Variants in ZBTB20 observed in about 807,000 individuals in gnomAD.
ZBTB20 encodes the protein zinc finger and BTB domain containing 20.
Under a neutral mutation model 56.9 loss-of-function variants are expected in ZBTB20, and 9 were observed. The observed-to-expected ratio is 0.16, with a 90% CI of 0.10 to 0.28. The LOEUF (loss-of-function observed/expected upper bound fraction) is 0.28. ZBTB20 is among the 10% of genes least tolerant of loss of function. The pLI, the probability that ZBTB20 is intolerant of heterozygous loss-of-function variation, is 1.00. For missense variants in ZBTB20, 655 were observed against 1,003.0 expected, an observed-to-expected ratio of 0.65 and a Z score of 4.69; for synonymous variants, 417 against 420.7, an observed-to-expected ratio of 0.99 and a Z score of 0.11.
At chr3:114,499,024 A>C (rs2043626739) in intron 7 of ZBTB20, among the ~76,000 whole-genome samples, 1 of 152,232 alleles carries the variant, frequency 6.6e-6, no homozygotes, top group Admixed American at 6.5e-5. Flanking sequence ...ACTGTAACAA[A>C]AATGATTTGC....
At chr3:114,957,857 G>A (rs1266613503) in intron 3 of ZBTB20, among the ~76,000 whole-genome samples, 1 of 152,220 alleles carries the variant, frequency 6.6e-6, no homozygotes, top group Non-Finnish European at 1.5e-5. Flanking sequence ...GGTCAGCTTT[G>A]ATAGCTCTTA....
intron 3 of ZBTB20, among the ~76,000 whole-genome samples, chr3:114,953,975 C>T (rs1282378650): frequency 6.6e-6 from 1 of 152,060 alleles, no homozygotes; most frequent in African/African-American, 2.4e-5. Flanking sequence ...ATGGTTACTT[C>T]TTCAGAGATA....
chr3:114,739,509 T>C (rs2066424791), intron 5 of ZBTB20, among the ~76,000 whole-genome samples: 1 of 152,234 alleles, frequency 6.6e-6, no homozygotes, highest in African/African-American at 2.4e-5. Flanking sequence ...GTGGTCAACC[T>C]GTGCAAAACT....
chr3:115,000,278 ATTAT>A (rs1385831106), intron 2 of ZBTB20, among the ~76,000 whole-genome samples: 4 of 151,796 alleles, frequency 2.6e-5, no homozygotes, highest in African/African-American at 9.6e-5. Context: ...ATTACAGCAC[ATTAT>A]TTAATATTTT....
chr3:114,861,415 C>T (rs2075522450), intron 4 of ZBTB20, among the ~76,000 whole-genome samples: 1 of 152,008 alleles, frequency 6.6e-6, no homozygotes. Context: ...ATAAATAATA[C>T]TTAAAATTTA....
chr3:114,993,613 T>C (rs963055450), intron 2 of ZBTB20, among the ~76,000 whole-genome samples: 1 of 151,730 alleles, frequency 6.6e-6, no homozygotes, highest in Non-Finnish European at 1.5e-5. Flanking sequence ...AAAAGATAGA[T>C]TAAAAAGCCC....
intron 6 of ZBTB20, among the ~76,000 whole-genome samples, chr3:114,673,069 G>A (rs1403806766): frequency 2.6e-5 from 4 of 152,036 alleles, no homozygotes; most frequent in Non-Finnish European, 4.4e-5. Flanking sequence ...AACCATATAG[G>A]TGAAACTTAT....
intron 4 of ZBTB20, among the ~76,000 whole-genome samples, chr3:114,829,100 A>G (rs1316730455): frequency 6.6e-6 from 1 of 151,768 alleles, no homozygotes; most frequent in Non-Finnish European, 1.5e-5. Context: ...CTTAAACTGT[A>G]TGGTGCTTCT....
chr3:115,009,329 C>T lies in ZBTB20; in HGVS notation c.-506-34913G>A, dbSNP rs951858879. On this transcript the variant is annotated intron_variant, in intron 2 of 11. Transcript: ENST00000675478. ...CCCATCTGAATTCAGATTGACTTAT[C>T]CTGTAAGCTTTTATTCCAGGACTAA... Among the ~76,000 whole-genome samples, 4 of 151,874 alleles carry T rather than the reference C, an allele frequency of 2.6e-5. No homozygotes were observed. In the South Asian group the frequency reaches 8.3e-4, roughly 31 times the overall value.
At chr3:115,041,659 C>G (rs373977652) in intron 2 of ZBTB20, among the ~76,000 whole-genome samples, 1 of 152,024 alleles carries the variant, frequency 6.6e-6, no homozygotes, top group Non-Finnish European at 1.5e-5. Context: ...TGGAGAAGCT[C>G]TATATATTTT....
At chr3:114,848,621 A>G (rs2074839535) in intron 4 of ZBTB20, among the ~76,000 whole-genome samples, 1 of 152,134 alleles carries the variant, frequency 6.6e-6, no homozygotes, top group African/African-American at 2.4e-5. Flanking sequence ...CCTGCTCAAG[A>G]CAAGTCATTC....
chr3:114,597,651 T>C (rs1228986131), intron 6 of ZBTB20, among the ~76,000 whole-genome samples: 1 of 152,174 alleles, frequency 6.6e-6, no homozygotes, highest in Non-Finnish European at 1.5e-5. Flanking sequence ...GTTTTCTGTT[T>C]TGGTTTTTAA....
At chr3:114,408,187 A>G (rs892106653) in intron 7 of ZBTB20, among the ~76,000 whole-genome samples, 1 of 152,176 alleles carries the variant, frequency 6.6e-6, no homozygotes, top group African/African-American at 2.4e-5. Context: ...TAATTTTTGT[A>G]GCATGCTTAT....
chr3:114,805,274 A>C (rs977197523), intron 4 of ZBTB20, among the ~76,000 whole-genome samples: 2 of 151,948 alleles, frequency 1.3e-5, no homozygotes, highest in African/African-American at 4.8e-5. Context: ...TCTGTTCCAA[A>C]AATCCAATCC....
At chr3:114,953,447 A>C (rs2077141659) in intron 3 of ZBTB20, among the ~76,000 whole-genome samples, 1 of 152,022 alleles carries the variant, frequency 6.6e-6, no homozygotes. Context: ...ATTTTTTTTA[A>C]TGACCCAATT....
At chr3:114,777,677 G>C (rs2069709297) in intron 5 of ZBTB20, among the ~76,000 whole-genome samples, 1 of 152,192 alleles carries the variant, frequency 6.6e-6, no homozygotes, top group African/African-American at 2.4e-5. Flanking sequence ...CATTGTGGAA[G>C]TCGGTGTGGC....
At chr3:114,387,112 T>C (rs2108595826) in intron 8 of ZBTB20, among the ~76,000 whole-genome samples, 1 of 151,822 alleles carries the variant, frequency 6.6e-6, no homozygotes, top group East Asian at 2.0e-4. Flanking sequence ...CACAATAATC[T>C]GGTTAAGTAG....
intron 1 of ZBTB20, among the ~76,000 whole-genome samples, chr3:115,098,960 C>T (rs2083479315): frequency 6.6e-6 from 1 of 152,170 alleles, no homozygotes; most frequent in Non-Finnish European, 1.5e-5. Flanking sequence ...TATGCCGAAA[C>T]ATTTGTGTAT....
At chr3:114,471,912 A>T (rs187575324) in intron 7 of ZBTB20, among the ~76,000 whole-genome samples, 1 of 152,340 alleles carries the variant, frequency 6.6e-6, no homozygotes, top group East Asian at 1.9e-4. Context: ...AATGTAACTA[A>T]AGTCAAGAAG....
Sources: allele counts gnomAD v4.1 joint callset (sites outside exome capture counted in the v4.1 genomes callset), GRCh38; gene constraint gnomAD v4.1.1; transcripts MANE v1.5; gene names NCBI Gene and HGNC (gene_info 2026-07-23, HGNC 2026-07-21).